C10orf67: variants seen among roughly 807,000 people sequenced by gnomAD.
The protein encoded by C10orf67 is chromosome 10 open reading frame 67.
A neutral mutation model predicts 35.6 loss-of-function variants in C10orf67; 60 were observed. The ratio of observed to expected loss-of-function variants is 1.68; its 90% CI spans 1.37 to 2.09. The LOEUF is 2.09. C10orf67 is among the 30% of genes most tolerant of loss of function. C10orf67 has a pLI of 0.00. For missense variants in C10orf67, 474 were observed against 330.2 expected (o/e 1.44, Z -3.38); for synonymous variants, 167 against 115.8 (o/e 1.44, Z -2.84).
At chr10:23,210,634 G>A (rs900473758) in intron 15 of C10orf67, among the ~76,000 whole-genome samples, 1 of 152,082 alleles carries the variant, frequency 6.6e-6, no homozygotes, top group Non-Finnish European at 1.5e-5. Context: ...TGGACAGGAT[G>A]GTCTCAAACT....
chr10:23,210,951 C>A (rs944885209), intron 15 of C10orf67, among the ~76,000 whole-genome samples: 3 of 152,174 alleles, frequency 2.0e-5, no homozygotes, highest in African/African-American at 7.2e-5. Context: ...AAACATACTG[C>A]CACTGAACTC....
Position 23,291,030 on chromosome 10 carries a change from A to G in C10orf67, c.850+102T>C, listed in dbSNP as rs1285354903. The G allele has an allele frequency of 9.8e-5, 59 of 602,574 alleles. No homozygotes were observed. The East Asian group carries it at 1.6e-3, about 17-fold the overall frequency. The allele number at this position is 602,574 out of a possible 1,614,324, so 37.3% of individuals were successfully genotyped here. A position where few individuals can be genotyped will look rare whatever the true frequency, so the allele number is the denominator to read the frequency against. ...CTATGAAATTCATCTTTCAAATGTAAATAACCAAACGAATGTATGTTTGGA... is the reference window on the plus strand; with the variant it reads ...CTATGAAATTCATCTTTCAAATGTAGATAACCAAACGAATGTATGTTTGGA... On this transcript the variant is annotated intron_variant, in intron 6 of 15. Coordinates refer to ENST00000636213, the MANE Select transcript of C10orf67 (RefSeq NM_001371909.1).
At chr10:23,333,888 C>T (rs1443924567) in intron 1 of C10orf67, among the ~76,000 whole-genome samples, 1 of 152,028 alleles carries the variant, frequency 6.6e-6, no homozygotes, top group Non-Finnish European at 1.5e-5. Context: ...TTGCTTGAGT[C>T]CAGGAGGTTG....
At chr10:23,298,733 G>A (rs1380849337) in intron 5 of C10orf67, among the ~76,000 whole-genome samples, 1 of 152,182 alleles carries the variant, frequency 6.6e-6, no homozygotes, top group Non-Finnish European at 1.5e-5. Flanking sequence ...AACCTGCTGT[G>A]AGCAGAGCTG....
intron 8 of C10orf67, among the ~76,000 whole-genome samples, chr10:23,277,530 G>A (rs2132226711): frequency 6.7e-6 from 1 of 149,408 alleles, no homozygotes; most frequent in South Asian, 2.1e-4. Context: ...TGCAGTCTGG[G>A]TGACAGAGTA....
chr10:23,323,948 T>TAC (rs1177442947), intron 2 of C10orf67, among the ~76,000 whole-genome samples: 12 of 47,530 alleles, frequency 2.5e-4, no homozygotes, highest in African/African-American at 7.8e-4. Flanking sequence ...TATATATATA[T>TAC]ATATACACAC....
Position 23,344,552 on chromosome 10 carries a change from C to T in C10orf67, c.206+17G>A. On this transcript the variant is annotated intron_variant, in intron 1 of 15. Coordinates refer to ENST00000636213, the MANE Select transcript of C10orf67 (RefSeq NM_001371909.1). ...CTGCTCGCTTCCTCCTCTACCCAGG[C>T]GCGGAGCTCAGCCTACCTCGTGGAC... is the stretch of plus-strand genomic sequence containing the variant. 1 of 1,561,786 alleles carries T rather than the reference C, an allele frequency of 6.4e-7. No homozygotes were observed. Among genetic ancestry groups the T allele is most frequent in the Non-Finnish European group, 8.7e-7 (1 of 1,153,850 alleles).
intron 12 of C10orf67, among the ~76,000 whole-genome samples, chr10:23,244,040 T>A (rs1206670610): frequency 6.6e-6 from 1 of 152,094 alleles, no homozygotes; most frequent in Admixed American, 6.6e-5. Context: ...CACAGGTGCA[T>A]GCCACGACAC....
intron 2 of C10orf67, among the ~76,000 whole-genome samples, chr10:23,327,433 G>C (rs1251166028): frequency 6.6e-6 from 1 of 152,162 alleles, no homozygotes; most frequent in East Asian, 1.9e-4. Flanking sequence ...CCCAAAGAAT[G>C]TTGATACAGA....
intron 15 of C10orf67, among the ~76,000 whole-genome samples, chr10:23,212,701 TATA>T (rs763588790): frequency 1.3e-5 from 2 of 150,186 alleles, no homozygotes; most frequent in Non-Finnish European, 3.0e-5. Flanking sequence ...GCCCCAAACT[TATA>T]AGAACTGGCT....
At chr10:23,325,881 A>C (rs1321633680) in intron 2 of C10orf67, among the ~76,000 whole-genome samples, 2 of 152,176 alleles carry the variant, frequency 1.3e-5, no homozygotes, top group African/African-American at 2.4e-5. Flanking sequence ...AAAGAAAACA[A>C]ATTCCCAAAT....
intron 8 of C10orf67, among the ~76,000 whole-genome samples, chr10:23,277,551 CA>C (rs200341837): frequency 0.13 from 15,163 of 118,734 alleles, 1,548 homozygotes; most frequent in East Asian, 0.66. Context: ...TGACCAACTC[CA>C]AAAAAAAAAA....
intron 1 of C10orf67, among the ~76,000 whole-genome samples, chr10:23,343,624 G>A (rs1846004778): frequency 6.6e-6 from 1 of 152,176 alleles, no homozygotes; most frequent in Non-Finnish European, 1.5e-5. Flanking sequence ...TGAGAAAACT[G>A]AGGCACAGAG....
chr10:23,275,182 T>G (rs1843151454), intron 8 of C10orf67, among the ~76,000 whole-genome samples: 1 of 152,260 alleles, frequency 6.6e-6, no homozygotes, highest in African/African-American at 2.4e-5. Context: ...GTACTTCCTA[T>G]TCACTTAAAA....
At chr10:23,270,209 C>T (rs753436195) in intron 8 of C10orf67, among the ~76,000 whole-genome samples, 30 of 152,190 alleles carry the variant, frequency 2.0e-4, no homozygotes, top group Non-Finnish European at 2.6e-4. Flanking sequence ...ACTAGGCAGA[C>T]AACCTGACCC....
At chr10:23,229,024 G>A (rs11013338) in intron 13 of C10orf67, among the ~76,000 whole-genome samples, 27,049 of 152,024 alleles carry the variant, frequency 0.18, 2,648 homozygotes, top group Admixed American at 0.28. Flanking sequence ...AAGACAGTGT[G>A]GCGATTCCTC....
At chr10:23,228,219 A>G (rs1841798876) in intron 13 of C10orf67, among the ~76,000 whole-genome samples, 1 of 152,244 alleles carries the variant, frequency 6.6e-6, no homozygotes, top group Non-Finnish European at 1.5e-5. Context: ...CCAAAAAAGC[A>G]TGGTACTGGT....
At chr10:23,205,626 C>T (rs76384739) in intron 15 of C10orf67, among the ~76,000 whole-genome samples, 1,566 of 152,054 alleles carry the variant, frequency 0.01, 10 homozygotes, top group Non-Finnish European at 0.017. Context: ...AATCAGCAGA[C>T]GAGGAATTTA....
At chr10:23,331,191 A>ACCG (rs1845443574) in intron 2 of C10orf67, among the ~76,000 whole-genome samples, 2 of 56,152 alleles carry the variant, frequency 3.6e-5, no homozygotes, top group South Asian at 7.3e-4. Flanking sequence ...AAGGGAAGGG[A>ACCG]AGGGAAGGGA....
Sources: allele counts gnomAD v4.1 joint callset (sites outside exome capture counted in the v4.1 genomes callset), GRCh38; gene constraint gnomAD v4.1.1; transcripts MANE v1.5; gene names NCBI Gene and HGNC (gene_info 2026-07-23, HGNC 2026-07-21).